The following CXXC5 variants were observed in gnomAD, a reference collection of about 807,000 sequenced individuals.
CXXC5 encodes CXXC finger protein 5, also known as CXXC-type zinc finger protein 5.
In CXXC5, 2 loss-of-function variants were observed where a neutral mutation model predicts 17.6. The observed-to-expected ratio is 0.11, with a 90% confidence interval of 0.05 to 0.36. CXXC5 has a LOEUF of 0.36. Ranked by LOEUF, CXXC5 falls within the 10% of genes least tolerant of loss-of-function variation. The pLI, the probability that CXXC5 is intolerant of heterozygous loss-of-function variation, is 1.00. For synonymous variants in CXXC5, 171 were observed against 193.0 expected, an observed-to-expected ratio of 0.89 and a Z score of 0.94; for missense variants, 343 against 458.3, an observed-to-expected ratio of 0.75 and a Z score of 2.30.
At chr5:139,650,268 T>C (rs1307036388) in intron 1 of CXXC5, among the ~76,000 whole-genome samples, 1 of 151,854 alleles carries the variant, frequency 6.6e-6, no homozygotes, top group Non-Finnish European at 1.5e-5. Flanking sequence ...CCCTGGACTT[T>C]GGGTGGTCTG....
Position 139,682,887 on chromosome 5 carries a change from G to A in CXXC5, c.949G>A (p.Ala317Thr), listed in dbSNP as rs373171662. 2.7e-5 allele frequency: 43 copies of A among 1,593,904 alleles called. No individual in the cohort carries two copies. The highest frequency in any genetic ancestry group is 3.4e-5 in the Non-Finnish European group (40 of 1,169,896). ...LEKVMLPTGA[A>T]FRWFQ Reference sequence around the variant, plus strand: ...GAAGGTGATGCTTCCGACGGGAGCCGCCTTCCGGTGGTTTCAGTGACGGCG... The same window carrying A: ...GAAGGTGATGCTTCCGACGGGAGCCACCTTCCGGTGGTTTCAGTGACGGCG... The change falls in exon 3 of 3, where the codon GCC (alanine) becomes ACC (threonine). Residue 317 changes from alanine (A) to threonine (T), a missense_variant. Physicochemically the swap from Ala to Thr is moderately conservative, Grantham distance 58 (BLOSUM62 0). Coordinates refer to ENST00000302517, the MANE Select transcript of CXXC5 (RefSeq NM_016463.9).
intron 2 of CXXC5, 126 bp downstream of exon 2, chr5:139,681,573 T>C: frequency 1.7e-6 from 2 of 1,203,126 alleles, no homozygotes; most frequent in East Asian, 2.5e-5. Flanking sequence ...CTCCCAGTCC[T>C]TGGGGCCTGG....
In CXXC5 at chr5:139,680,536, G is replaced by A. The variant is rs752725317; in HGVS notation, c.13G>A (p.Gly5Ser). The A allele has an allele frequency of 9.0e-5, 141 of 1,561,862 alleles. No homozygotes were observed. Among genetic ancestry groups the A allele is most frequent in the East Asian group, 1.2e-4 (5 of 41,422 alleles). ...CCTCGGCCCCACCATGTCGAGCCTCGGCGGTGGCTCCCAGGATGCCGGCGG... is the reference window on the plus strand; with the variant it reads ...CCTCGGCCCCACCATGTCGAGCCTCAGCGGTGGCTCCCAGGATGCCGGCGG... MSSL[G>S]GGSQDAGGSS... Residue 5 changes from glycine to serine, a missense_variant, in exon 2 of 3, where the codon GGC becomes AGC. Coordinates refer to ENST00000302517, the MANE Select transcript of CXXC5 (RefSeq NM_016463.9).
At chr5:139,669,194 G>C (rs139133301) in intron 1 of CXXC5, among the ~76,000 whole-genome samples, 3,127 of 152,278 alleles carry the variant, frequency 0.021, 54 homozygotes, top group Non-Finnish European at 0.028. Context: ...CAGTGGGAGG[G>C]GGAGCGCCAT....
intron 1 of CXXC5, among the ~76,000 whole-genome samples, chr5:139,675,024 G>T (rs182950961): frequency 1.1e-4 from 17 of 152,210 alleles, no homozygotes; most frequent in Non-Finnish European, 2.4e-4. Context: ...CTCCAGGAAG[G>T]CCTCAGATAG....
intron 1 of CXXC5, among the ~76,000 whole-genome samples, chr5:139,678,915 A>G (rs1234045179): frequency 1.3e-5 from 2 of 152,196 alleles, no homozygotes; most frequent in Admixed American, 6.5e-5. Flanking sequence ...GCAAGGCTGG[A>G]GAGCCGGGAC....
rs1471133744 is a variant in CXXC5 at position 139,680,570 on chromosome 5, G to A, written c.47G>A (p.Ser16Asn). The A allele has an allele frequency of 6.3e-7, 1 of 1,593,012 alleles. No homozygotes were observed. Among genetic ancestry groups the A allele is most frequent in the South Asian group, 1.1e-5 (1 of 89,122 alleles). ...GGSQDAGGSS[S>N]SSTNGSGGSG... ...TCCCAGGATGCCGGCGGCAGTAGCAGCAGCAGCACCAATGGCAGCGGTGGC... is the reference window on the plus strand; with the variant it reads ...TCCCAGGATGCCGGCGGCAGTAGCAACAGCAGCACCAATGGCAGCGGTGGC... The change falls in exon 2 of 3, where the codon AGC becomes AAC. Residue 16 changes from serine (S) to asparagine (N), a missense_variant. Ser to Asn is a conservative substitution (Grantham distance 46). Around this residue, in one of 4 missense-constraint regions of CXXC5, gnomAD observed 297 missense variants for 363.4 expected, o/e 0.82. Coordinates refer to ENST00000302517, the MANE Select transcript of CXXC5 (RefSeq NM_016463.9).
chr5:139,676,539 A>C (rs1481534193), intron 1 of CXXC5, among the ~76,000 whole-genome samples: 7 of 24,170 alleles, frequency 2.9e-4, no homozygotes, highest in East Asian at 1.0e-3. Context: ...TGTCCTCCCC[A>C]CCCTCGTCCC....
intron 1 of CXXC5, among the ~76,000 whole-genome samples, chr5:139,671,615 C>T (rs968592752): frequency 1.3e-5 from 2 of 152,232 alleles, no homozygotes; most frequent in African/African-American, 4.8e-5. Flanking sequence ...GTTCTGCTTC[C>T]TGCGGAGGCT....
At chr5:139,682,206 C>T (rs1757274441) in intron 2 of CXXC5, among the ~76,000 whole-genome samples, 1 of 152,216 alleles carries the variant, frequency 6.6e-6, no homozygotes, top group Non-Finnish European at 1.5e-5. Flanking sequence ...ATCTTTTCAG[C>T]CTGCAGTCCC....
At chr5:139,648,300 G>T, upstream of CXXC5, 1 of 153,494 alleles carries the variant, frequency 6.5e-6, no homozygotes, top group South Asian at 1.8e-4. Flanking sequence ...GGGTTTTGCC[G>T]GCAGCCCCCG....
intron 1 of CXXC5, among the ~76,000 whole-genome samples, chr5:139,669,065 C>T (rs770344190): frequency 2.0e-5 from 3 of 152,184 alleles, no homozygotes; most frequent in Non-Finnish European, 4.4e-5. Context: ...CCAGCCTGCT[C>T]GCTGTGCTGA....
chr5:139,671,515 G>A (rs1164662475), intron 1 of CXXC5, among the ~76,000 whole-genome samples: 9 of 152,250 alleles, frequency 5.9e-5, no homozygotes, highest in Non-Finnish European at 1.3e-4. Context: ...GCGGGTGGCG[G>A]GTTGGGGCAG....
rs778460948 is a variant in CXXC5 at position 139,680,691 on chromosome 5, C to T, written c.168C>T (p.Pro56=). The T allele has an allele frequency of 8.7e-6, 14 of 1,613,360 alleles. No homozygotes were observed. Among genetic ancestry groups the T allele is most frequent in the Non-Finnish European group, 1.1e-5 (13 of 1,180,024 alleles). ...PASVADDTPP[P]ERRNKSGIIS... ...CAGTGGCAGATGACACACCACCCCC[C>T]GAGCGTCGGAACAAGAGCGGTATCA... Residue 56 remains proline, a synonymous_variant, in exon 2 of 3, where the codon CCC becomes CCT. Transcript: ENST00000302517.
chr5:139,664,865 TCA>T, intron 1 of CXXC5, among the ~76,000 whole-genome samples: 1 of 152,324 alleles, frequency 6.6e-6, no homozygotes, highest in Middle Eastern at 3.4e-3. Flanking sequence ...GCTCTGAGCC[TCA>T]GTGTCCTCAT....
At chr5:139,659,296 C>A (rs569515967) in intron 1 of CXXC5, among the ~76,000 whole-genome samples, 19 of 152,218 alleles carry the variant, frequency 1.2e-4, no homozygotes, top group African/African-American at 4.3e-4. Context: ...GGCGCGGTGT[C>A]CAGCGGAAAA....
intron 1 of CXXC5, among the ~76,000 whole-genome samples, chr5:139,678,310 T>A (rs1198853122): frequency 6.6e-6 from 1 of 152,216 alleles, no homozygotes; most frequent in Non-Finnish European, 1.5e-5. Context: ...TTGGCCGTTA[T>A]GAGGTGGGAG....
intron 1 of CXXC5, among the ~76,000 whole-genome samples, chr5:139,662,209 C>T (rs1382576397): frequency 6.6e-6 from 1 of 151,708 alleles, no homozygotes; most frequent in Non-Finnish European, 1.5e-5. Context: ...TTGCCAAGGC[C>T]CTCATTATCC....
At chr5:139,667,879 C>T (rs1304938336) in intron 1 of CXXC5, among the ~76,000 whole-genome samples, 5 of 152,306 alleles carry the variant, frequency 3.3e-5, no homozygotes, top group African/African-American at 9.6e-5. Context: ...GTTATCATTA[C>T]ATTATTATTC....
Sources: allele counts gnomAD v4.1 joint callset (sites outside exome capture counted in the v4.1 genomes callset), GRCh38; gene constraint gnomAD v4.1.1; regional missense constraint gnomAD v4.1.1; transcripts MANE v1.5; gene names NCBI Gene and HGNC (gene_info 2026-07-23, HGNC 2026-07-21).